PTPN5: variants seen among roughly 807,000 people sequenced by gnomAD.
PTPN5 encodes protein tyrosine phosphatase non-receptor type 5.
Under a neutral mutation model 73.9 loss-of-function variants are expected in PTPN5, and 29 were observed. That is an observed-to-expected ratio of 0.39 (90% confidence interval 0.29 to 0.54). PTPN5 has a LOEUF of 0.54. Ranked by LOEUF, PTPN5 falls within the 20% of genes least tolerant of loss-of-function variation. The pLI, the probability that PTPN5 is intolerant of heterozygous loss-of-function variation, is 0.65. For synonymous variants in PTPN5, 267 were observed against 304.7 expected (o/e 0.88, Z 1.29); for missense variants, 652 against 751.4 (o/e 0.87, Z 1.55).
At chr11:18,746,162 AAT>A (rs773490900) in intron 3 of PTPN5, among the ~76,000 whole-genome samples, 4,643 of 67,558 alleles carry the variant, frequency 0.069, 296 homozygotes, top group African/African-American at 0.16. Context: ...TATAAATATA[AAT>A]ATATATATAT....
chr11:18,744,506 C>T (rs1590520815), intron 3 of PTPN5, among the ~76,000 whole-genome samples: 1 of 150,940 alleles, frequency 6.6e-6, no homozygotes, highest in African/African-American at 2.4e-5. Context: ...CTTAAGGAAA[C>T]AAAAAACAAC....
At chr11:18,759,247 A>T (rs1255607085) in intron 3 of PTPN5, among the ~76,000 whole-genome samples, 3 of 152,246 alleles carry the variant, frequency 2.0e-5, no homozygotes, top group Non-Finnish European at 4.4e-5. Context: ...GCTATCATTT[A>T]TAGAGCACTC....
chr11:18,730,020 A>G, intron 12 of PTPN5: 6 of 644,880 alleles, frequency 9.3e-6, no homozygotes, highest in Non-Finnish European at 1.7e-5. Flanking sequence ...GGGGTTGGTC[A>G]GCAGCGTTGG....
intron 1 of PTPN5, among the ~76,000 whole-genome samples, chr11:18,788,884 G>A (rs1368988477): frequency 2.0e-5 from 3 of 152,208 alleles, no homozygotes; most frequent in African/African-American, 7.2e-5. Context: ...TGTCACGGAT[G>A]TCTTATGAGG....
intron 2 of PTPN5, among the ~76,000 whole-genome samples, chr11:18,768,060 T>A (rs1850715923): frequency 6.6e-6 from 1 of 152,262 alleles, no homozygotes; most frequent in African/African-American, 2.4e-5. Flanking sequence ...CTGTTTTATT[T>A]ACCATTGTAT....
chr11:18,791,674 G>T lies in PTPN5; in HGVS notation c.-263C>A, dbSNP rs1448087131. 1 of 152,210 alleles carries T rather than the reference G, an allele frequency of 6.6e-6. No homozygotes were observed. Among genetic ancestry groups the T allele is most frequent in the Non-Finnish European group, 1.5e-5 (1 of 68,120 alleles). 9.4% of individuals were successfully genotyped at this position (152,210 alleles called of 1,614,324 possible). ...GCCGCGCCGAGCTCTGTGCGTCTGC[G>T]TGTGCGGGGGCGTCCGTCCTTCGGT... is the stretch of plus-strand genomic sequence containing the variant. On this transcript the variant is annotated 5_prime_UTR_variant, in exon 1 of 15. Coordinates refer to ENST00000358540, the MANE Select transcript of PTPN5 (RefSeq NM_006906.2).
Position 18,744,224 on chromosome 11 carries a change from C to T in PTPN5, c.98-25G>A, listed in dbSNP as rs200351695. On this transcript the variant is annotated intron_variant, in intron 3 of 14. Coordinates refer to ENST00000358540, the MANE Select transcript of PTPN5 (RefSeq NM_006906.2). ...CCTGTGGAAGATGGGCCATGCGGGC[C>T]GATGACTCCGGCCCTGTCCACAGGC... 8,015 of 1,499,952 alleles carry T rather than the reference C, an allele frequency of 5.3e-3. 27 individuals carry two copies. Among genetic ancestry groups the T allele is most frequent in the Non-Finnish European group, 6.5e-3 (7,347 of 1,128,058 alleles). The allele number at this position is 1,499,952 out of a possible 1,614,324, so 92.9% of individuals were successfully genotyped here.
intron 3 of PTPN5, among the ~76,000 whole-genome samples, chr11:18,756,920 T>TAAAAAAAA (rs1564910476): frequency 4.5e-5 from 5 of 110,148 alleles, no homozygotes; most frequent in Non-Finnish European, 8.9e-5. Context: ...CAAGACTCCA[T>TAAAAAAAA]CAAAAAAAAA....
chr11:18,756,946 A>G (rs1190451408), intron 3 of PTPN5, among the ~76,000 whole-genome samples: 1 of 151,102 alleles, frequency 6.6e-6, no homozygotes, highest in Non-Finnish European at 1.5e-5. Flanking sequence ...ACCAAAAAAC[A>G]AAAACAAAAC....
chr11:18,755,977 C>A (rs979825032), intron 3 of PTPN5, among the ~76,000 whole-genome samples: 1 of 134,808 alleles, frequency 7.4e-6, no homozygotes, highest in Admixed American at 8.7e-5. Context: ...GCACTCCAGC[C>A]TGGGCGACAG....
At chr11:18,774,800 C>T (rs1034212845) in intron 1 of PTPN5, among the ~76,000 whole-genome samples, 18 of 151,852 alleles carry the variant, frequency 1.2e-4, no homozygotes, top group African/African-American at 4.1e-4. Context: ...CTCAGGGCCA[C>T]TTTGGCTTTC....
chr11:18,768,032 A>T (rs936030833), intron 2 of PTPN5, among the ~76,000 whole-genome samples: 1 of 152,210 alleles, frequency 6.6e-6, no homozygotes, highest in African/African-American at 2.4e-5. Flanking sequence ...GCTTTCATGA[A>T]GGCAGGGTCC....
intron 1 of PTPN5, among the ~76,000 whole-genome samples, chr11:18,773,268 T>C (rs543238441): frequency 6.8e-6 from 1 of 147,356 alleles, no homozygotes; most frequent in Admixed American, 6.9e-5. Flanking sequence ...TTCCAGTCTT[T>C]GTTTTGTAAA....
rs188495960 is a variant in PTPN5, at chr11:18,761,447, G to C, written c.97+4360C>G. Among the ~76,000 whole-genome samples the C allele has an allele frequency of 1.5e-4, 23 of 152,292 alleles. 1 individual carries two copies. In the East Asian group the frequency reaches 2.5e-3, roughly 17 times the overall value. On this transcript the variant is annotated intron_variant, in intron 3 of 14. Coordinates refer to ENST00000358540, the MANE Select transcript of PTPN5 (RefSeq NM_006906.2). The stretch of plus-strand genomic sequence containing the variant: ...ATAGAAGAAGAGAGATTGTGAGTTT[G>C]AATGTACCAAAGTGTTTGGGTGACT...
chr11:18,781,100 T>A (rs776780850), intron 1 of PTPN5, among the ~76,000 whole-genome samples: 1 of 151,984 alleles, frequency 6.6e-6, no homozygotes, highest in Non-Finnish European at 1.5e-5. Flanking sequence ...GGAACTCACC[T>A]CCTCCAGGCA....
At chr11:18,745,132 G>C (rs1486750802) in intron 3 of PTPN5, among the ~76,000 whole-genome samples, 1 of 152,230 alleles carries the variant, frequency 6.6e-6, no homozygotes, top group Non-Finnish European at 1.5e-5. Flanking sequence ...GTGAGTCCCA[G>C]ATATTGGAGG....
At chr11:18,758,981 C>G (rs1030413488) in intron 3 of PTPN5, among the ~76,000 whole-genome samples, 1 of 151,974 alleles carries the variant, frequency 6.6e-6, no homozygotes, top group Non-Finnish European at 1.5e-5. Context: ...CCCCACCAAC[C>G]CTGGCCCCTT....
intron 2 of PTPN5, among the ~76,000 whole-genome samples, chr11:18,769,398 A>AAATT (rs768095555): frequency 2.0e-5 from 3 of 151,854 alleles, no homozygotes; most frequent in African/African-American, 4.8e-5. Context: ...GTTTTTTTTT[A>AAATT]AATTAATTAA....
intron 12 of PTPN5, among the ~76,000 whole-genome samples, chr11:18,731,439 G>A (rs1478666034): frequency 1.3e-5 from 2 of 152,098 alleles, no homozygotes; most frequent in Admixed American, 6.6e-5. Context: ...CCAGGTGCTC[G>A]TAATGTCTTA....
Sources: gnomAD v4.1 joint callset for allele counts (sites outside exome capture counted in the v4.1 genomes callset) on GRCh38, gnomAD v4.1.1 for gene constraint, MANE v1.5 for transcripts, NCBI Gene and HGNC (gene_info 2026-07-23, HGNC 2026-07-21) for gene names.